Variants in UBR1 observed in about 807,000 individuals in gnomAD.
The protein encoded by UBR1 is E3 ubiquitin-protein ligase UBR1.
Under a neutral mutation model 242.1 loss-of-function variants are expected in UBR1, and 102 were observed. The observed-to-expected ratio is 0.42, with a 90% CI of 0.36 to 0.50. UBR1 has a LOEUF of 0.50. Among genes scored for constraint, UBR1 ranks in the 20% least tolerant of loss-of-function variants. The pLI is 0.01. For missense variants in UBR1, 1,772 were observed against 2,101.8 expected (o/e 0.84, Z 3.07); for synonymous variants, 675 against 684.8 (o/e 0.99, Z 0.22).
At position 43,033,023 on chromosome 15, in the gene UBR1, T is replaced by C. The variant is rs893465359; in HGVS notation, c.2191-392A>G. Among the ~76,000 whole-genome samples the C allele has an allele frequency of 3.9e-5, 6 of 152,234 alleles. No individual in the cohort carries two copies. The South Asian group carries it at 8.3e-4, about 21-fold the overall frequency. ...TCTCTAACACGCCCCTCATTTAAACTATGAAATCAGATACTGATTTTCACT... is the reference window on the plus strand; with the variant it reads ...TCTCTAACACGCCCCTCATTTAAACCATGAAATCAGATACTGATTTTCACT... On this transcript the variant is annotated intron_variant, in intron 19 of 46. Coordinates refer to ENST00000290650, the MANE Select transcript of UBR1 (RefSeq NM_174916.3).
chr15:43,036,088 A>T, intron 19 of UBR1, 90 bp downstream of exon 19: 1 of 1,191,168 alleles, frequency 8.4e-7, no homozygotes, highest in Non-Finnish European at 1.2e-6. Flanking sequence ...ATTTTAAAAA[A>T]TATGGCTAAA....
chr15:43,077,701 A>G (rs1041027516), intron 3 of UBR1, among the ~76,000 whole-genome samples: 1 of 151,476 alleles, frequency 6.6e-6, no homozygotes, highest in Non-Finnish European at 1.5e-5. Flanking sequence ...AAATAAAAAA[A>G]CTCATGATGA....
chr15:43,052,151 T>C (rs980925705), intron 12 of UBR1, among the ~76,000 whole-genome samples: 2 of 152,162 alleles, frequency 1.3e-5, no homozygotes, highest in Admixed American at 6.5e-5. Flanking sequence ...CTGTGTTCAT[T>C]TCTTGGCACA....
At chr15:43,038,550 T>C (rs566538435) in intron 15 of UBR1, among the ~76,000 whole-genome samples, 1 of 152,214 alleles carries the variant, frequency 6.6e-6, no homozygotes, top group African/African-American at 2.4e-5. Flanking sequence ...GCCAAGATCA[T>C]GCCACTGCAC....
At position 43,089,595 on chromosome 15, in the gene UBR1, C is replaced by T. The variant is rs191348919; in HGVS notation, c.82-3355G>A. 1.7e-4 allele frequency among the ~76,000 whole-genome samples: 26 copies of T among 152,216 alleles called. No individual in the cohort carries two copies. In the East Asian group the frequency reaches 4.0e-3, roughly 24 times the overall value. On this transcript the variant is annotated intron_variant, in intron 1 of 46. Transcript: ENST00000290650. ...AGTAACAGAGAGAAAGACACCACAA[C>T]ATTATTGTATTATTTTTTTTCTTTT...
At chr15:43,081,828 T>C (rs977680390) in intron 3 of UBR1, among the ~76,000 whole-genome samples, 5 of 152,042 alleles carry the variant, frequency 3.3e-5, no homozygotes, top group African/African-American at 4.8e-5. Flanking sequence ...TGAGAACCTA[T>C]CCTAAGGAAA....
intron 2 of UBR1, among the ~76,000 whole-genome samples, chr15:43,084,006 C>T (rs1996675): frequency 0.84 from 128,267 of 152,046 alleles, 54,324 homozygotes; most frequent in Non-Finnish European, 0.89. Flanking sequence ...GATAGCGCCA[C>T]TGTACTCTAG....
At chr15:42,976,573 T>C (rs774460718) in intron 39 of UBR1, 144 bp downstream of exon 39, 13 of 929,936 alleles carry the variant, frequency 1.4e-5, no homozygotes, top group Non-Finnish European at 2.0e-5. Context: ...GTTTAAACAG[T>C]ATCCATTAAA....
In UBR1 at chr15:42,976,068, C is replaced by T. The variant is rs117532799; in HGVS notation, c.4369+649G>A. On this transcript the variant is annotated intron_variant, in intron 39 of 46. Transcript: ENST00000290650. ...CCAGACTCCAAAAGAAAAACTGTAT[C>T]ATCATTCCATAATGTTGTATTACTA... Among the ~76,000 whole-genome samples, 91 of 152,302 alleles carry T rather than the reference C, an allele frequency of 6.0e-4. 1 individual carries two copies. The East Asian group carries it at 0.017, about 29-fold the overall frequency.
chr15:43,004,019 A>G, intron 30 of UBR1, 89 bp from the exon 31 acceptor site: 2 of 1,089,654 alleles, frequency 1.8e-6, no homozygotes, highest in Non-Finnish European at 2.8e-6. Flanking sequence ...ATGTCCAAGC[A>G]AAGTGTCACA....
rs186779745 is a variant in UBR1 at position 43,069,510 on chromosome 15, C to T, written c.659+1285G>A. On this transcript the variant is annotated intron_variant, in intron 5 of 46. Transcript: ENST00000290650. ...CAGGATGGTCTCGATCTCCTGACGT[C>T]GTGATCCACCCACCTCGGCCTCCCA... is the stretch of plus-strand genomic sequence containing the variant. Among the ~76,000 whole-genome samples the T allele has an allele frequency of 5.3e-5, 8 of 152,242 alleles. No homozygotes were observed. In the East Asian group the frequency reaches 7.7e-4, roughly 15 times the overall value.
At chr15:43,099,658 A>T (rs987446358) in intron 1 of UBR1, among the ~76,000 whole-genome samples, 2 of 152,098 alleles carry the variant, frequency 1.3e-5, no homozygotes, top group Admixed American at 6.6e-5. Flanking sequence ...GTGTCTTCTC[A>T]TTCATTCATT....
intron 11 of UBR1, 89 bp downstream of exon 11, chr15:43,056,255 G>T: frequency 9.6e-7 from 1 of 1,038,844 alleles, no homozygotes; most frequent in Non-Finnish European, 1.5e-6. Flanking sequence ...TTCTAACATT[G>T]TTCTAATTTG....
rs747733828 is a variant in UBR1 at position 43,021,327 on chromosome 15, T to C, written c.2888A>G (p.Lys963Arg). Reference protein sequence around the residue: ...MNIQMLLEKLKGIPQLEGQKD... With the variant: ...MNIQMLLEKLRGIPQLEGQKD... ...CTGGCCTTCTAACTGGGGAATTCCT[T>C]TGAGTTTTTCCAAAAGCATTTGTAT... The change falls in exon 27 of 47, where the codon AAA becomes AGA. Residue 963 changes from lysine to arginine, a missense_variant. Physicochemically the swap from Lys to Arg is conservative, Grantham distance 26 (BLOSUM62 2). Around this residue, in one of 3 missense-constraint regions of UBR1, gnomAD observed 965 missense variants for 1,079.7 expected, o/e 0.89. Transcript: ENST00000290650. 97 of 1,613,694 alleles carry C rather than the reference T, an allele frequency of 6.0e-5. No homozygotes were observed. Among genetic ancestry groups the C allele is most frequent in the Non-Finnish European group, 7.7e-5 (91 of 1,179,842 alleles).
intron 2 of UBR1, among the ~76,000 whole-genome samples, chr15:43,084,961 G>A (rs2034017031): frequency 6.6e-6 from 1 of 152,184 alleles, no homozygotes. Flanking sequence ...CAGAGGTAAG[G>A]AGTAAAAACA....
intron 37 of UBR1, among the ~76,000 whole-genome samples, chr15:42,981,744 C>CGG (rs2032382568): frequency 6.6e-6 from 1 of 152,140 alleles, no homozygotes; most frequent in Non-Finnish European, 1.5e-5. Context: ...CCGCACCCAG[C>CGG]CACTTGTCTC....
At chr15:42,948,734 A>G in intron 46 of UBR1, among the ~76,000 whole-genome samples, 1 of 152,230 alleles carries the variant, frequency 6.6e-6, no homozygotes, top group East Asian at 1.9e-4. Flanking sequence ...ACAATGAGAT[A>G]CCACCTCACA....
intron 15 of UBR1, among the ~76,000 whole-genome samples, chr15:43,041,827 T>C (rs1055777248): frequency 6.6e-6 from 1 of 152,116 alleles, no homozygotes; most frequent in Non-Finnish European, 1.5e-5. Context: ...TAACTCCAAC[T>C]GAACAGCAAA....
At position 43,007,138 on chromosome 15, in the gene UBR1, C is replaced by T. The variant is rs1215132259; in HGVS notation, c.3356G>A (p.Cys1119Tyr). 6.2e-7 allele frequency: 1 copy of T among 1,614,088 alleles called. No individual in the cohort carries two copies. The highest frequency in any genetic ancestry group is 1.7e-5 in the Admixed American group (1 of 60,016). ...GGTTAAGGCAGTAGATTTCTGGACA[C>T]AGGCCGATAATACCATGGCATTATT... ...IENNAMVLSA[C>Y]VQKSTALTQH... Residue 1119 changes from cysteine to tyrosine, a missense_variant, in exon 30 of 47, where the codon TGT (cysteine) becomes TAT (tyrosine). Cys to Tyr is a radical substitution (Grantham distance 194, BLOSUM62 -2). Around this residue, in one of 3 missense-constraint regions of UBR1, gnomAD observed 965 missense variants for 1,079.7 expected, o/e 0.89. Coordinates refer to ENST00000290650, the MANE Select transcript of UBR1 (RefSeq NM_174916.3).
Sources: gnomAD v4.1 joint callset for allele counts (sites outside exome capture counted in the v4.1 genomes callset) on GRCh38, gnomAD v4.1.1 for gene constraint, gnomAD v4.1.1 regional missense constraint, MANE v1.5 for transcripts, NCBI Gene and HGNC (gene_info 2026-07-23, HGNC 2026-07-21) for gene names.